The following ANO4 variants were observed in gnomAD, a reference collection of about 807,000 sequenced individuals.
The protein encoded by ANO4 is anoctamin-4.
A neutral mutation model predicts 141.9 loss-of-function variants in ANO4; 69 were observed. The observed-to-expected ratio is 0.49, with a 90% CI of 0.40 to 0.59. The LOEUF is 0.59. Ranked by LOEUF, ANO4 falls within the 20% of genes least tolerant of loss-of-function variation. The pLI, the probability that ANO4 is intolerant of heterozygous loss-of-function variation, is 0.00. For missense variants in ANO4, 894 were observed against 1,162.2 expected (o/e 0.77, Z 3.36); for synonymous variants, 350 against 394.3 (o/e 0.89, Z 1.33).
At chr12:100,814,967 T>C (rs1304618703) in intron 1 of ANO4, among the ~76,000 whole-genome samples, 1 of 152,026 alleles carries the variant, frequency 6.6e-6, no homozygotes, top group Non-Finnish European at 1.5e-5. Context: ...GGGACGAAGA[T>C]GTGTGAGATT....
At chr12:100,914,563 G>A (rs549229146) in intron 2 of ANO4, among the ~76,000 whole-genome samples, 1 of 152,230 alleles carries the variant, frequency 6.6e-6, no homozygotes, top group African/African-American at 2.4e-5. Flanking sequence ...ATCTTCTATT[G>A]TGAAGCTTTT....
intron 18 of ANO4, among the ~76,000 whole-genome samples, chr12:101,095,895 T>A (rs2049963313): frequency 6.6e-6 from 1 of 152,154 alleles, no homozygotes; most frequent in African/African-American, 2.4e-5. Context: ...TTATGGAAGT[T>A]GAAATATATG....
intron 1 of ANO4, among the ~76,000 whole-genome samples, chr12:100,878,045 A>G (rs1244186240): frequency 6.6e-6 from 1 of 152,066 alleles, no homozygotes; most frequent in Admixed American, 6.6e-5. Flanking sequence ...TCCTACTAGC[A>G]TTATCTAAAA....
At chr12:100,835,996 G>A (rs2036890425) in intron 1 of ANO4, among the ~76,000 whole-genome samples, 1 of 152,140 alleles carries the variant, frequency 6.6e-6, no homozygotes, top group Non-Finnish European at 1.5e-5. Context: ...AGCAGGACCA[G>A]TGCCTGAAGG....
chr12:100,779,376 T>A (rs2135575794), intron 3 of ANO4, among the ~76,000 whole-genome samples: 1 of 152,366 alleles, frequency 6.6e-6, no homozygotes, highest in African/African-American at 2.4e-5. Context: ...AATGCTGCTA[T>A]TGGCATAACA....
At chr12:101,043,787 C>T (rs1367450975) in intron 13 of ANO4, 152 bp downstream of exon 13, 1 of 628,084 alleles carries the variant, frequency 1.6e-6, no homozygotes, top group Admixed American at 2.7e-5. Context: ...ATTCTAATTC[C>T]CATATCTTTG....
At chr12:100,776,003 G>C (rs1301486316) in intron 3 of ANO4, among the ~76,000 whole-genome samples, 1 of 152,106 alleles carries the variant, frequency 6.6e-6, no homozygotes, top group Non-Finnish European at 1.5e-5. Context: ...AAGCTAACAG[G>C]CTGAATGATG....
chr12:101,022,559 T>C (rs1284802302), intron 9 of ANO4, among the ~76,000 whole-genome samples: 1 of 152,218 alleles, frequency 6.6e-6, no homozygotes, highest in Non-Finnish European at 1.5e-5. Flanking sequence ...ACTTAGGATG[T>C]GCTATGCATC....
intron 2 of ANO4, among the ~76,000 whole-genome samples, chr12:100,903,390 G>C (rs2040686201): frequency 6.6e-6 from 1 of 152,082 alleles, no homozygotes; most frequent in African/African-American, 2.4e-5. Context: ...ACCAAATCCA[G>C]AATGATTCAT....
At chr12:100,975,884 G>A (rs1039399896) in intron 7 of ANO4, among the ~76,000 whole-genome samples, 5 of 142,734 alleles carry the variant, frequency 3.5e-5, no homozygotes, top group Non-Finnish European at 6.0e-5. Context: ...AATAACATAT[G>A]CAGATGTATA....
intron 1 of ANO4, among the ~76,000 whole-genome samples, chr12:100,719,808 A>T (rs2030783790): frequency 6.6e-6 from 1 of 152,060 alleles, no homozygotes; most frequent in African/African-American, 2.4e-5. Context: ...CTGCATTTTG[A>T]TCCTGCTCTT....
At chr12:101,088,132 A>G (rs2049583497) in intron 17 of ANO4, among the ~76,000 whole-genome samples, 2 of 152,236 alleles carry the variant, frequency 1.3e-5, no homozygotes, top group Admixed American at 6.5e-5. Flanking sequence ...TCTGTGTGAC[A>G]TCTCTGACCT....
intron 22 of ANO4, among the ~76,000 whole-genome samples, chr12:101,106,135 T>C (rs2050431320): frequency 6.6e-6 from 1 of 151,956 alleles, no homozygotes; most frequent in African/African-American, 2.4e-5. Context: ...AATGAGCAGA[T>C]TGACTTAGCG....
intron 2 of ANO4, among the ~76,000 whole-genome samples, chr12:100,920,463 A>T (rs1003897562): frequency 6.9e-6 from 1 of 145,364 alleles, no homozygotes; most frequent in Non-Finnish European, 1.5e-5. Flanking sequence ...TTTGGCCATC[A>T]AATAGAACAA....
chr12:100,972,894 C>T (rs779412791), intron 6 of ANO4, among the ~76,000 whole-genome samples: 26 of 152,206 alleles, frequency 1.7e-4, no homozygotes, highest in Non-Finnish European at 3.7e-4. Flanking sequence ...AGCCAATTCT[C>T]TTACTACCTG....
intron 9 of ANO4, among the ~76,000 whole-genome samples, chr12:101,025,038 C>T (rs1243979865): frequency 1.3e-5 from 2 of 152,150 alleles, no homozygotes; most frequent in Non-Finnish European, 2.9e-5. Flanking sequence ...TGATAATCTC[C>T]TTTGAGGTGT....
chr12:101,076,385 C>T (rs925227392), intron 14 of ANO4, among the ~76,000 whole-genome samples: 4 of 152,148 alleles, frequency 2.6e-5, no homozygotes, highest in Non-Finnish European at 2.9e-5. Context: ...CTTATATTTC[C>T]CAGTCTCCAG....
At chr12:100,827,681 C>A (rs1009540613) in intron 1 of ANO4, among the ~76,000 whole-genome samples, 87 of 151,892 alleles carry the variant, frequency 5.7e-4, no homozygotes, top group African/African-American at 2.0e-3. Flanking sequence ...AGATTATAAT[C>A]ATTTATCAGA....
At chr12:100,905,768 T>C (rs114747787) in intron 2 of ANO4, among the ~76,000 whole-genome samples, 1,905 of 152,262 alleles carry the variant, frequency 0.013, 38 homozygotes, top group African/African-American at 0.043. Flanking sequence ...AGATAATTTA[T>C]GGTGTTCAAG....
Sources: gnomAD v4.1 joint callset for allele counts (sites outside exome capture counted in the v4.1 genomes callset) on GRCh38, gnomAD v4.1.1 for gene constraint, MANE v1.5 for transcripts, NCBI Gene and HGNC (gene_info 2026-07-23, HGNC 2026-07-21) for gene names.